SLC35F3: variants seen among roughly 807,000 people sequenced by gnomAD.
SLC35F3 encodes the protein solute carrier family 35 member F3.
In SLC35F3, 25 loss-of-function variants were observed where a neutral mutation model predicts 49.9. That is an observed-to-expected ratio of 0.50 (90% CI 0.37 to 0.70). The LOEUF (loss-of-function observed/expected upper bound fraction) is 0.70. Among genes scored for constraint, SLC35F3 ranks in the 30% least tolerant of loss-of-function variants. SLC35F3 has a pLI of 0.00. For missense variants in SLC35F3, 525 were observed against 639.8 expected, an observed-to-expected ratio of 0.82 and a Z score of 1.94; for synonymous variants, 275 against 265.4, an observed-to-expected ratio of 1.04 and a Z score of -0.35.
chr1:234,161,846 T>C (rs190893312), intron 2 of SLC35F3, among the ~76,000 whole-genome samples: 85 of 152,172 alleles, frequency 5.6e-4, no homozygotes, highest in African/African-American at 1.8e-3. Context: ...GTGCATAAAC[T>C]TCAGGGCCCA....
intron 3 of SLC35F3, among the ~76,000 whole-genome samples, chr1:234,286,912 G>T (rs754840052): frequency 4.6e-5 from 7 of 152,208 alleles, no homozygotes; most frequent in Non-Finnish European, 1.0e-4. Context: ...GCTTATGCCT[G>T]TAATCCTAGC....
intron 2 of SLC35F3, among the ~76,000 whole-genome samples, chr1:234,168,982 T>C (rs7522961): frequency 0.13 from 19,155 of 152,032 alleles, 3,977 homozygotes; most frequent in African/African-American, 0.43. Context: ...GAAGCTAGAG[T>C]GCTAGGAAAG....
At chr1:234,047,699 A>G (rs1664311772) in intron 2 of SLC35F3, among the ~76,000 whole-genome samples, 1 of 99,796 alleles carries the variant, frequency 1.0e-5, no homozygotes, top group Non-Finnish European at 1.7e-5. Flanking sequence ...ACACATACAT[A>G]CACACACACA....
chr1:234,047,263 G>C (rs1664305090), intron 2 of SLC35F3, among the ~76,000 whole-genome samples: 1 of 152,020 alleles, frequency 6.6e-6, no homozygotes, highest in Non-Finnish European at 1.5e-5. Flanking sequence ...TGGGCCACAG[G>C]GTGCCTGGAT....
intron 2 of SLC35F3, among the ~76,000 whole-genome samples, chr1:234,010,786 GA>G (rs2102837438): frequency 6.6e-6 from 1 of 152,204 alleles, no homozygotes; most frequent in East Asian, 1.9e-4. Context: ...GAGATGGAAA[GA>G]AAAGGAGAAC....
intron 2 of SLC35F3, among the ~76,000 whole-genome samples, chr1:233,952,820 T>G (rs1429138303): frequency 6.6e-6 from 1 of 152,164 alleles, no homozygotes; most frequent in Non-Finnish European, 1.5e-5. Flanking sequence ...TTCCACTCAT[T>G]TTGGGAGTTG....
In SLC35F3 at chr1:234,214,980, T is replaced by C; in HGVS notation, c.284-16437T>C. On this transcript the variant is annotated intron_variant, in intron 2 of 7. Transcript: ENST00000366618. This position sits in a 1 kb window ranked among gnomAD's most constrained non-coding sequence, Gnocchi z 8.0. The stretch of plus-strand genomic sequence containing the variant: ...CTTGAGTTGCCTGGGTGTGGAGCTC[T>C]GTGCCTCACCCCCAGGCCGACCAAA... 5.9e-6 allele frequency: 1 copy of C among 169,488 alleles called. No individual in the cohort carries two copies. The highest frequency in any genetic ancestry group is 1.3e-5 in the Non-Finnish European group (1 of 79,768). 10.5% of individuals were successfully genotyped at this position (169,488 alleles called of 1,614,324 possible). A position where few individuals can be genotyped will look rare whatever the true frequency, so the allele number is the denominator to read the frequency against.
intron 2 of SLC35F3, among the ~76,000 whole-genome samples, chr1:234,205,582 G>A (rs890643023): frequency 6.6e-6 from 1 of 152,220 alleles, no homozygotes; most frequent in African/African-American, 2.4e-5. Flanking sequence ...TTTCTCTGAA[G>A]CCAGTCTGAG....
At chr1:233,941,468 C>T (rs888765642) in intron 2 of SLC35F3, among the ~76,000 whole-genome samples, 1 of 152,124 alleles carries the variant, frequency 6.6e-6, no homozygotes, top group African/African-American at 2.4e-5. Flanking sequence ...AGAGGAACCT[C>T]CAGGAAGGCA....
intron 2 of SLC35F3, among the ~76,000 whole-genome samples, chr1:233,989,121 G>A (rs1663314656): frequency 6.6e-6 from 1 of 152,220 alleles, no homozygotes; most frequent in East Asian, 1.9e-4. Flanking sequence ...AGGACTTCCT[G>A]GTACCAGAGG....
intron 4 of SLC35F3, among the ~76,000 whole-genome samples, chr1:234,313,742 A>G (rs1248945716): frequency 6.6e-6 from 1 of 152,142 alleles, no homozygotes; most frequent in African/African-American, 2.4e-5. Context: ...AGCACATGGA[A>G]CCACAGGGCG....
At chr1:233,962,912 T>C (rs1476803791) in intron 2 of SLC35F3, among the ~76,000 whole-genome samples, 2 of 152,194 alleles carry the variant, frequency 1.3e-5, no homozygotes, top group African/African-American at 4.8e-5. Context: ...GCACGGACCT[T>C]GTAATGAAGA....
intron 2 of SLC35F3, among the ~76,000 whole-genome samples, chr1:234,227,959 G>C (rs552003760): frequency 5.3e-5 from 8 of 152,164 alleles, no homozygotes; most frequent in Non-Finnish European, 1.2e-4. Flanking sequence ...TCCAATAGTA[G>C]AAAATAAATG....
intron 2 of SLC35F3, among the ~76,000 whole-genome samples, chr1:234,180,858 A>G (rs146103937): frequency 2.0e-5 from 3 of 152,338 alleles, no homozygotes; most frequent in Admixed American, 6.5e-5. Flanking sequence ...CAAAAATTCA[A>G]CATTTACAAA....
chr1:234,164,424 C>A (rs7547339), intron 2 of SLC35F3, among the ~76,000 whole-genome samples: 22 of 149,332 alleles, frequency 1.5e-4, no homozygotes, highest in East Asian at 1.4e-3. Flanking sequence ...TTTCTTTTTC[C>A]TCTCCCTCTC....
intron 3 of SLC35F3, among the ~76,000 whole-genome samples, chr1:234,296,376 A>T (rs1038072616): frequency 5.9e-5 from 9 of 152,192 alleles, no homozygotes; most frequent in Admixed American, 1.3e-4. Context: ...AAACAAAAGT[A>T]TTCAGAGTAG....
chr1:234,253,876 G>A (rs1424071744), intron 3 of SLC35F3, among the ~76,000 whole-genome samples: 2 of 152,140 alleles, frequency 1.3e-5, no homozygotes, highest in African/African-American at 4.8e-5. Flanking sequence ...TAACAAGGAA[G>A]GTCAATGTCA....
chr1:233,905,007 T>G lies in SLC35F3; in HGVS notation c.-71T>G. On this transcript the variant is annotated 5_prime_UTR_variant, in exon 1 of 8. Transcript: ENST00000366618. The stretch of plus-strand genomic sequence containing the variant: ...ACTCCAGTCTTCCCAGGCTAGCGGC[T>G]GCAGGGAGCTCCGGCCCGCGGCCCC... 25 of 1,499,158 alleles carry G rather than the reference T, an allele frequency of 1.7e-5. No individual in the cohort carries two copies. Among genetic ancestry groups the G allele is most frequent in the Non-Finnish European group, 2.3e-5 (25 of 1,104,014 alleles). 92.9% of individuals were successfully genotyped at this position (1,499,158 alleles called of 1,614,324 possible). A position where few individuals can be genotyped will look rare whatever the true frequency, so the allele number is the denominator to read the frequency against.
At position 234,320,064 on chromosome 1, in the gene SLC35F3, G is replaced by A; in HGVS notation, c.1148-34G>A. 3 of 1,471,130 alleles carry A rather than the reference G, an allele frequency of 2.0e-6. No homozygotes were observed. The highest frequency in any genetic ancestry group is 1.9e-6 in the Non-Finnish European group (2 of 1,049,830). 91.1% of individuals were successfully genotyped at this position (1,471,130 alleles called of 1,614,324 possible). On this transcript the variant is annotated intron_variant, in intron 6 of 7. Coordinates refer to ENST00000366618, the MANE Select transcript of SLC35F3 (RefSeq NM_173508.4). The surrounding 1 kb of genome is among the most constrained non-coding windows in gnomAD (Gnocchi z 4.8). ...GGGAGGTAAAGTACACAGCAGTCATGAATAACACTCGTTGTTTACATTCTT... is the reference window on the plus strand; with the variant it reads ...GGGAGGTAAAGTACACAGCAGTCATAAATAACACTCGTTGTTTACATTCTT...
Sources: allele counts gnomAD v4.1 joint callset (sites outside exome capture counted in the v4.1 genomes callset), GRCh38; gene constraint gnomAD v4.1.1; non-coding constraint Gnocchi (gnomAD v3.1); transcripts MANE v1.5; gene names NCBI Gene and HGNC (gene_info 2026-07-23, HGNC 2026-07-21).